LUZP2: variants seen among roughly 807,000 people sequenced by gnomAD.
LUZP2 encodes leucine zipper protein 2.
In LUZP2, 52 loss-of-function variants were observed where a neutral mutation model predicts 51.6. The ratio of observed to expected loss-of-function variants is 1.01; its 90% CI spans 0.81 to 1.27. LUZP2 has a LOEUF of 1.27. Among genes scored for constraint, LUZP2 ranks in the 50% most tolerant of loss-of-function variants. The pLI, the probability that LUZP2 is intolerant of heterozygous loss-of-function variation, is 0.00. For synonymous variants in LUZP2, 154 were observed against 137.3 expected (o/e 1.12, Z -0.85); for missense variants, 436 against 395.4 (o/e 1.10, Z -0.87).
At chr11:25,028,858 T>C (rs1312223380) in intron 9 of LUZP2, among the ~76,000 whole-genome samples, 1 of 152,174 alleles carries the variant, frequency 6.6e-6, no homozygotes, top group Non-Finnish European at 1.5e-5. Context: ...ACACAGTATT[T>C]TATATTCTTT....
chr11:24,527,432 A>C (rs1437185807), intron 1 of LUZP2, among the ~76,000 whole-genome samples: 1 of 145,722 alleles, frequency 6.9e-6, no homozygotes, highest in Non-Finnish European at 1.5e-5. Context: ...AAAGACATAC[A>C]ATCACTTTCT....
At chr11:24,854,812 A>C (rs1230137443) in intron 5 of LUZP2, among the ~76,000 whole-genome samples, 1 of 152,170 alleles carries the variant, frequency 6.6e-6, no homozygotes, top group Non-Finnish European at 1.5e-5. Context: ...CATGGGAAAA[A>C]CATAATATCT....
rs956858034 is a variant in LUZP2 at position 25,018,614 on chromosome 11, T to C, written c.766-31424T>C. ...TTAATTCCTTTTTCCTTTTTTTTTTTTTTTTTTTTTTTAAAGACACTCTCA... is the reference window on the plus strand; with the variant it reads ...TTAATTCCTTTTTCCTTTTTTTTTTCTTTTTTTTTTTTAAAGACACTCTCA... On this transcript the variant is annotated intron_variant, in intron 9 of 11. Coordinates refer to ENST00000336930, the MANE Select transcript of LUZP2 (RefSeq NM_001009909.4). Among the ~76,000 whole-genome samples, 435 of 88,632 alleles carry C rather than the reference T, an allele frequency of 4.9e-3. 4 individuals carry two copies. Among genetic ancestry groups the C allele is most frequent in the African/African-American group, 0.028 (410 of 14,868 alleles). The allele number at this position is 88,632 out of a possible 152,430, so 58.1% of individuals were successfully genotyped here. A position where few individuals can be genotyped will look rare whatever the true frequency, so the allele number is the denominator to read the frequency against.
chr11:24,683,049 C>T (rs7104657), intron 1 of LUZP2, among the ~76,000 whole-genome samples: 1,699 of 152,232 alleles, frequency 0.011, 32 homozygotes, highest in African/African-American at 0.039. Flanking sequence ...CATTGAACAT[C>T]ATATCAGCTC....
chr11:24,791,020 GC>G (rs1045178320), intron 5 of LUZP2, among the ~76,000 whole-genome samples: 1 of 152,108 alleles, frequency 6.6e-6, no homozygotes, highest in African/African-American at 2.4e-5. Flanking sequence ...ATGTGCAAAT[GC>G]TTACTCAATA....
intron 5 of LUZP2, among the ~76,000 whole-genome samples, chr11:24,782,735 C>T (rs955325586): frequency 8.6e-5 from 13 of 151,964 alleles, no homozygotes; most frequent in South Asian, 2.1e-4. Context: ...TAATTGCTAG[C>T]TTGATGTATT....
At chr11:24,832,445 T>C (rs1307669082) in intron 5 of LUZP2, among the ~76,000 whole-genome samples, 1 of 152,032 alleles carries the variant, frequency 6.6e-6, no homozygotes, top group Non-Finnish European at 1.5e-5. Flanking sequence ...CAAGTGGATG[T>C]GTTTTATTTT....
At chr11:25,010,541 C>T (rs1856951581) in intron 9 of LUZP2, among the ~76,000 whole-genome samples, 1 of 150,892 alleles carries the variant, frequency 6.6e-6, no homozygotes, top group South Asian at 2.1e-4. Context: ...GAGCAAGAGT[C>T]CATCTCAGTA....
Position 25,031,114 on chromosome 11 carries a change from C to G in LUZP2, c.766-18924C>G, listed in dbSNP as rs751694982. 2.1e-4 allele frequency among the ~76,000 whole-genome samples: 31 copies of G among 145,244 alleles called. No homozygotes were observed. In the Middle Eastern group the frequency reaches 0.011, roughly 51 times the overall value. Reference sequence around the variant, plus strand: ...GCAACCTCCACCTCCCGAATTCAAGCGATTCTTTGGCCTCAGCCTCCTGAG... The same window carrying G: ...GCAACCTCCACCTCCCGAATTCAAGGGATTCTTTGGCCTCAGCCTCCTGAG... On this transcript the variant is annotated intron_variant, in intron 9 of 11. Coordinates refer to ENST00000336930, the MANE Select transcript of LUZP2 (RefSeq NM_001009909.4).
At chr11:24,751,058 G>T (rs1273573245) in intron 4 of LUZP2, among the ~76,000 whole-genome samples, 1 of 151,960 alleles carries the variant, frequency 6.6e-6, no homozygotes, top group Non-Finnish European at 1.5e-5. Flanking sequence ...AGAAAATATG[G>T]AATAAACCAT....
intron 3 of LUZP2, among the ~76,000 whole-genome samples, chr11:24,735,321 A>G (rs929338378): frequency 7.9e-5 from 12 of 151,998 alleles, no homozygotes; most frequent in African/African-American, 2.6e-4. Context: ...GAATGGAGAG[A>G]TTTTAAACCA....
chr11:24,767,631 T>G (rs1225132830), intron 5 of LUZP2, among the ~76,000 whole-genome samples: 1 of 152,206 alleles, frequency 6.6e-6, no homozygotes, highest in Middle Eastern at 3.2e-3. Context: ...TTTCATATGT[T>G]TGCAAATCAA....
At position 24,623,505 on chromosome 11, in the gene LUZP2, T is replaced by C. The variant is rs565144871; in HGVS notation, c.63-105664T>C. On this transcript the variant is annotated intron_variant, in intron 1 of 11. Coordinates refer to ENST00000336930, the MANE Select transcript of LUZP2 (RefSeq NM_001009909.4). Reference sequence around the variant, plus strand: ...TACTTTGTGTAGATGGTCTACTCCTTGTGAGCTGGAAATGTCGTATCACAG... The same window carrying C: ...TACTTTGTGTAGATGGTCTACTCCTCGTGAGCTGGAAATGTCGTATCACAG... 2.6e-5 allele frequency among the ~76,000 whole-genome samples: 4 copies of C among 151,594 alleles called. No homozygotes were observed. The East Asian group carries it at 7.8e-4, about 30-fold the overall frequency.
intron 10 of LUZP2, among the ~76,000 whole-genome samples, chr11:25,058,077 G>A (rs751786449): frequency 2.9e-4 from 44 of 151,586 alleles, no homozygotes; most frequent in Non-Finnish European, 4.9e-4. Context: ...AGACCACACA[G>A]CACTGTCATT....
chr11:24,629,472 TTA>T (rs1000876788), intron 1 of LUZP2, among the ~76,000 whole-genome samples: 3 of 147,988 alleles, frequency 2.0e-5, no homozygotes, highest in Admixed American at 6.8e-5. Context: ...ACATTATACA[TTA>T]TATATATATT....
intron 4 of LUZP2, among the ~76,000 whole-genome samples, chr11:24,759,572 G>A (rs1189372809): frequency 6.6e-6 from 1 of 152,078 alleles, no homozygotes; most frequent in Non-Finnish European, 1.5e-5. Flanking sequence ...TATGAACAAT[G>A]CGTGCAGTAT....
intron 1 of LUZP2, among the ~76,000 whole-genome samples, chr11:24,519,305 T>A (rs1850568387): frequency 6.6e-6 from 1 of 152,164 alleles, no homozygotes; most frequent in Non-Finnish European, 1.5e-5. Context: ...AGAATGAGTC[T>A]TGAGCTTTGG....
intron 1 of LUZP2, among the ~76,000 whole-genome samples, chr11:24,660,123 A>G (rs982756219): frequency 6.6e-6 from 1 of 152,170 alleles, no homozygotes; most frequent in African/African-American, 2.4e-5. Flanking sequence ...TGCATTCTAC[A>G]ACTGCAAGAA....
intron 9 of LUZP2, among the ~76,000 whole-genome samples, chr11:25,022,144 T>TG (rs973284418): frequency 1.3e-5 from 2 of 152,060 alleles, no homozygotes; most frequent in African/African-American, 4.8e-5. Context: ...TGCCTTTGCT[T>TG]GGGGGAAACT....
Sources: allele counts gnomAD v4.1 joint callset (sites outside exome capture counted in the v4.1 genomes callset), GRCh38; gene constraint gnomAD v4.1.1; transcripts MANE v1.5; gene names NCBI Gene and HGNC (gene_info 2026-07-23, HGNC 2026-07-21).